The following ARHGAP4 variants were observed in gnomAD, a reference collection of about 807,000 sequenced individuals.
ARHGAP4 encodes rho GTPase-activating protein 4.
In ARHGAP4, 25 loss-of-function variants were observed where a neutral mutation model predicts 67.6. That is an observed-to-expected ratio of 0.37 (90% CI 0.27 to 0.52). The LOEUF is 0.52. Ranked by LOEUF, ARHGAP4 falls within the 20% of genes least tolerant of loss-of-function variation. ARHGAP4 has a pLI of 0.92. For missense variants in ARHGAP4, 804 were observed against 854.6 expected (o/e 0.94, Z 0.74); for synonymous variants, 448 against 373.7 (o/e 1.20, Z -2.29).
In ARHGAP4 at chrX:153,913,400, C is replaced by T; in HGVS notation, c.1326+9G>A. 1 of 1,209,090 alleles carries T rather than the reference C, an allele frequency of 8.3e-7. No individual in the cohort carries two copies. Among genetic ancestry groups the T allele is most frequent in the Non-Finnish European group, 1.1e-6 (1 of 893,610 alleles). ...CACGGGTCCCGCCCACCAGCCCAGC[C>T]CTCCCCACCGTGAGGTAGAAGGTTT... On this transcript the variant is annotated intron_variant, in intron 9 of 21. Coordinates refer to ENST00000350060, the MANE Select transcript of ARHGAP4 (RefSeq NM_001666.5).
chrX:153,922,561 A>G, intron 1 of ARHGAP4: 1 of 357,210 alleles, frequency 2.8e-6, no homozygotes, highest in Non-Finnish European at 3.6e-6. Flanking sequence ...TTGATTTGGC[A>G]ACGCTGCTTC....
intron 21 of ARHGAP4, among the ~76,000 whole-genome samples, chrX:153,908,273 C>T (rs1445604425): frequency 1.8e-5 from 2 of 112,061 alleles, no homozygotes; most frequent in African/African-American, 6.5e-5. Flanking sequence ...GGACCGCCAG[C>T]GTGCGGGGAC....
intron 16 of ARHGAP4, 29 bp from the exon 17 acceptor site, chrX:153,910,433 G>C (rs782590815): frequency 2.5e-6 from 3 of 1,183,782 alleles, no homozygotes; most frequent in East Asian, 3.0e-5. Context: ...CACAAGCAGA[G>C]AGCCCGCACC....
At chrX:153,914,779 G>A (rs1408263732) in intron 7 of ARHGAP4, among the ~76,000 whole-genome samples, 1 of 112,193 alleles carries the variant, frequency 8.9e-6, no homozygotes, top group Non-Finnish European at 1.9e-5. Flanking sequence ...ACCTCTTCCA[G>A]GGAAAGGAGT....
At chrX:153,914,081 C>T in intron 7 of ARHGAP4, 1 of 431,677 alleles carries the variant, frequency 2.3e-6, no homozygotes, top group Non-Finnish European at 4.1e-6. Flanking sequence ...CGTGGCGGCA[C>T]CACTCATCCA....
chrX:153,922,609 C>T (rs1333334371), intron 1 of ARHGAP4: 2 of 155,617 alleles, frequency 1.3e-5, no homozygotes, highest in Non-Finnish European at 2.1e-5. Context: ...GCCTGTCCAG[C>T]AAGTTTAAGC....
At chrX:153,923,881 G>A (rs782240981) in intron 1 of ARHGAP4, among the ~76,000 whole-genome samples, 229 of 111,759 alleles carry the variant, frequency 2.0e-3, no homozygotes, top group African/African-American at 7.2e-3. Context: ...GGGTTCAAGC[G>A]ATTCTCCCGC....
chrX:153,924,171 C>T (rs1424879049), intron 1 of ARHGAP4, among the ~76,000 whole-genome samples: 1 of 111,937 alleles, frequency 8.9e-6, no homozygotes, highest in Non-Finnish European at 1.9e-5. Flanking sequence ...GGAGCCTGCC[C>T]TGCCCTGCTT....
At position 153,910,330 on chromosome X, in the gene ARHGAP4, G is replaced by A. The variant is rs142533512; in HGVS notation, c.1997C>T (p.Pro666Leu). Reference sequence around the variant, plus strand: ...CACCGGGTCCTGCCCAGCGGGCACCGGTAGCAGCGTGGGCCCGAAGCACAC... The same window carrying A: ...CACCGGGTCCTGCCCAGCGGGCACCAGTAGCAGCGTGGGCCCGAAGCACAC... Reference protein sequence around the residue: ...LAVCFGPTLLPVPAGQDPVAL... With the variant: ...LAVCFGPTLLLVPAGQDPVAL... The change falls in exon 17 of 22, where the codon CCG becomes CTG. Residue 666 changes from proline (P) to leucine (L), a missense_variant. Transcript: ENST00000350060. 2,884 of 1,207,535 alleles carry A rather than the reference G, an allele frequency of 2.4e-3. 2 individuals are homozygous for A. The highest frequency in any genetic ancestry group is 2.9e-3 in the Non-Finnish European group (2,561 of 893,954).
chrX:153,909,697 G>A (rs782066596), intron 19 of ARHGAP4, 44 bp downstream of exon 19: 7 of 1,142,343 alleles, frequency 6.1e-6, no homozygotes, highest in African/African-American at 3.5e-5. Context: ...TGGATGAAGG[G>A]GAGACTCCGG....
rs192526096 is a variant in ARHGAP4 at position 153,926,129 on chromosome X, C to T, written c.67+7G>A. On this transcript the variant is annotated splice_region_variant and intron_variant, in intron 1 of 21. Transcript: ENST00000350060. ...AAACGGGCCGGGAGCGCCCGGCGCCCTCTCACCTTTGACTTGCGTCTCATA... is the reference window on the plus strand; with the variant it reads ...AAACGGGCCGGGAGCGCCCGGCGCCTTCTCACCTTTGACTTGCGTCTCATA... The T allele has an allele frequency of 1.0e-3, 1,208 of 1,202,936 alleles. 8 individuals carry two copies. In the African/African-American group the frequency reaches 0.017, roughly 17 times the overall value.
At chrX:153,920,096 G>A (rs782678896) in intron 5 of ARHGAP4, among the ~76,000 whole-genome samples, 19 of 112,008 alleles carry the variant, frequency 1.7e-4, no homozygotes, top group Middle Eastern at 4.6e-3. Flanking sequence ...AAGCTGGCAC[G>A]CTAACCACAG....
chrX:153,918,884 G>A lies in ARHGAP4; in HGVS notation c.980C>T (p.Thr327Ile). The A allele has an allele frequency of 8.2e-7, 1 of 1,212,323 alleles. No individual in the cohort carries two copies. The highest frequency in any genetic ancestry group is 1.1e-6 in the Non-Finnish European group (1 of 895,619). The stretch of plus-strand genomic sequence containing the variant: ...AAAGCGCAGCGGGGGACAGAAGACG[G>A]TAGCATGCACCTCGAGAACCTTGGC... Reference protein sequence around the residue: ...DKAKVLEVHATVFCPPLRFDY... With the variant: ...DKAKVLEVHAIVFCPPLRFDY... The change falls in exon 7 of 22, where the codon ACC (threonine) becomes ATC (isoleucine). Residue 327 changes from threonine to isoleucine, a missense_variant. Around this residue, in one of 2 missense-constraint regions of ARHGAP4, gnomAD observed 404 missense variants for 505.9 expected, o/e 0.80. Coordinates refer to ENST00000350060, the MANE Select transcript of ARHGAP4 (RefSeq NM_001666.5).
chrX:153,920,510 T>C, intron 5 of ARHGAP4, 116 bp downstream of exon 5: 1 of 834,888 alleles, frequency 1.2e-6, no homozygotes, highest in Non-Finnish European at 1.6e-6. Context: ...CTGATGGCAC[T>C]GTCCTGCCAC....
intron 21 of ARHGAP4, among the ~76,000 whole-genome samples, chrX:153,908,281 G>C (rs545959648): frequency 8.9e-6 from 1 of 111,957 alleles, no homozygotes; most frequent in Non-Finnish European, 1.9e-5. Context: ...AGCGTGCGGG[G>C]ACTCCCCAGT....
At chrX:153,915,599 A>C (rs899677123) in intron 7 of ARHGAP4, among the ~76,000 whole-genome samples, 6 of 111,393 alleles carry the variant, frequency 5.4e-5, no homozygotes, top group Admixed American at 9.6e-5. Context: ...TAAATAAATA[A>C]GTAGGTTAAA....
At chrX:153,919,948 G>A (rs5945374) in intron 5 of ARHGAP4, among the ~76,000 whole-genome samples, 26,182 of 110,253 alleles carry the variant, frequency 0.24, 3,186 homozygotes, top group Non-Finnish European at 0.37. Flanking sequence ...CATCATGCCC[G>A]GCTAATTTTT....
chrX:153,919,380 G>A, intron 5 of ARHGAP4, 97 bp from the exon 6 acceptor site: 2 of 1,188,935 alleles, frequency 1.7e-6, no homozygotes. Context: ...TCCCACTGTG[G>A]ACAACTACAC....
intron 7 of ARHGAP4, chrX:153,914,190 G>A: frequency 3.4e-6 from 1 of 292,756 alleles, no homozygotes; most frequent in Non-Finnish European, 6.1e-6. Flanking sequence ...GTCCAGCCAG[G>A]CAAATCCATA....
Sources: allele counts gnomAD v4.1 joint callset (sites outside exome capture counted in the v4.1 genomes callset), GRCh38; gene constraint gnomAD v4.1.1; regional missense constraint gnomAD v4.1.1; transcripts MANE v1.5; gene names NCBI Gene and HGNC (gene_info 2026-07-23, HGNC 2026-07-21).